GM2A: variants seen among roughly 807,000 people sequenced by gnomAD.
GM2A encodes GM2 ganglioside activator.
Under a neutral mutation model 12.9 loss-of-function variants are expected in GM2A, and 7 were observed. The observed-to-expected ratio is 0.54, with a 90% CI of 0.31 to 1.02. The LOEUF (loss-of-function observed/expected upper bound fraction) is 1.02. GM2A is among the 50% of genes least tolerant of loss of function. The pLI, the probability that GM2A is intolerant of heterozygous loss-of-function variation, is 0.05. For missense variants in GM2A, 246 were observed against 241.0 expected (o/e 1.02, Z -0.14); for synonymous variants, 101 against 96.0 (o/e 1.05, Z -0.30).
chr5:151,261,851 G>C (rs542936729), intron 2 of GM2A, among the ~76,000 whole-genome samples: 67 of 152,374 alleles, frequency 4.4e-4, no homozygotes, highest in East Asian at 3.1e-3. Context: ...TGGGATTATA[G>C]GCTTGAGCCA....
At position 151,270,252 on chromosome 5, in the gene GM2A, A is replaced by G. The variant is rs111935946; in HGVS notation, c.*2801A>G. 0.011 allele frequency: 4,869 copies of G among 462,920 alleles called. 191 individuals are homozygous for G. Among genetic ancestry groups the G allele is most frequent in the African/African-American group, 0.084 (4,204 of 49,794 alleles). The allele number at this position is 462,920 out of a possible 1,614,324, so 28.7% of individuals were successfully genotyped here. On this transcript the variant is annotated 3_prime_UTR_variant, in exon 4 of 4. Transcript: ENST00000357164. ...CACACCATATGCAAGAATGAACTCC[A>G]TCTGGATCCAGGATCCAAATGTAAG... is the stretch of plus-strand genomic sequence containing the variant.
chr5:151,253,398 A>T (rs570990035), intron 1 of GM2A, 101 bp downstream of exon 1: 17 of 810,432 alleles, frequency 2.1e-5, no homozygotes, highest in Non-Finnish European at 2.8e-5. Context: ...CGTTCTCTAG[A>T]ATTGGTTCTC....
chr5:151,270,230 A>G lies in GM2A; in HGVS notation c.*2779A>G, dbSNP rs1285003024. ...AGTTGAAGTTAGACCTGTACTTCACACCATATGCAAGAATGAACTCCATCT... is the reference window on the plus strand; with the variant it reads ...AGTTGAAGTTAGACCTGTACTTCACGCCATATGCAAGAATGAACTCCATCT... On this transcript the variant is annotated 3_prime_UTR_variant, in exon 4 of 4. Transcript: ENST00000357164. 2 of 544,364 alleles carry G rather than the reference A, an allele frequency of 3.7e-6. No individual in the cohort carries two copies. The highest frequency in any genetic ancestry group is 5.6e-6 in the Non-Finnish European group (2 of 359,668). The allele number at this position is 544,364 out of a possible 1,614,324, so 33.7% of individuals were successfully genotyped here.
At chr5:151,257,595 A>G (rs1753715382) in intron 1 of GM2A, among the ~76,000 whole-genome samples, 1 of 152,120 alleles carries the variant, frequency 6.6e-6, no homozygotes, top group Non-Finnish European at 1.5e-5. Context: ...ACAGTGTAGT[A>G]CTGTCCTTCA....
rs1247382405 is a variant in GM2A, at chr5:151,268,538, G to C, written c.*1087G>C. On this transcript the variant is annotated 3_prime_UTR_variant, in exon 4 of 4. Coordinates refer to ENST00000357164, the MANE Select transcript of GM2A (RefSeq NM_000405.5). ...CAGCACATGTGCCCATTGATACAAG[G>C]CTGCTGAGGCCTGGTCTCCAGTTGG... The C allele has an allele frequency of 4.1e-6, 4 of 985,300 alleles. No individual in the cohort carries two copies. The African/African-American group carries it at 5.2e-5, about 13-fold the overall frequency. The allele number at this position is 985,300 out of a possible 1,614,324, so 61.0% of individuals were successfully genotyped here. A position where few individuals can be genotyped will look rare whatever the true frequency, so the allele number is the denominator to read the frequency against.
chr5:151,270,029 T>C lies in GM2A; in HGVS notation c.*2578T>C. The C allele has an allele frequency of 8.1e-7, 1 of 1,230,014 alleles. No homozygotes were observed. Among genetic ancestry groups the C allele is most frequent in the Non-Finnish European group, 1.0e-6 (1 of 987,408 alleles). The allele number at this position is 1,230,014 out of a possible 1,614,324, so 76.2% of individuals were successfully genotyped here. On this transcript the variant is annotated 3_prime_UTR_variant, in exon 4 of 4. Transcript: ENST00000357164. ...AACAGTTCATTTTTAGTTCACATTC[T>C]TGACCGAATCTCAGTAGCTCAGTTA...
rs115821625 is a variant in GM2A at position 151,257,417 on chromosome 5, C to G, written c.82-2338C>G. On this transcript the variant is annotated intron_variant, in intron 1 of 3. Transcript: ENST00000357164. Reference sequence around the variant, plus strand: ...GTAGGTACTCTGGATACCCTACCCCCACCCCCAGCCCAGAATCAATTCTCT... The same window carrying G: ...GTAGGTACTCTGGATACCCTACCCCGACCCCCAGCCCAGAATCAATTCTCT... Among the ~76,000 whole-genome samples the G allele has an allele frequency of 9.9e-3, 1,510 of 152,246 alleles. 18 individuals are homozygous for G. The highest frequency in any genetic ancestry group is 0.033 in the African/African-American group (1,383 of 41,532).
Position 151,268,522 on chromosome 5 carries a change from T to C in GM2A, c.*1071T>C. On this transcript the variant is annotated 3_prime_UTR_variant, in exon 4 of 4. Transcript: ENST00000357164. ...CTTACACAGAAAGTCACAGCACATG[T>C]GCCCATTGATACAAGGCTGCTGAGG... 1 of 985,438 alleles carries C rather than the reference T, an allele frequency of 1.0e-6. No homozygotes were observed. The highest frequency in any genetic ancestry group is 1.2e-6 in the Non-Finnish European group (1 of 829,956). The allele number at this position is 985,438 out of a possible 1,614,324, so 61.0% of individuals were successfully genotyped here.
chr5:151,265,088 C>A (rs546636796), intron 2 of GM2A, among the ~76,000 whole-genome samples: 1 of 151,870 alleles, frequency 6.6e-6, no homozygotes, highest in African/African-American at 2.4e-5. Context: ...CCAACCTAGG[C>A]CCTCTGACTT....
At chr5:151,253,365 C>A in intron 1 of GM2A, 68 bp downstream of exon 1, 5 of 1,154,136 alleles carry the variant, frequency 4.3e-6, no homozygotes, top group Non-Finnish European at 5.2e-6. Context: ...GCGGGTCTGG[C>A]TGAGATATGG....
intron 2 of GM2A, among the ~76,000 whole-genome samples, chr5:151,260,679 GC>G (rs1242189879): frequency 1.3e-5 from 2 of 152,128 alleles, no homozygotes; most frequent in Non-Finnish European, 2.9e-5. Flanking sequence ...TAAGGGATAA[GC>G]ACTTTTAACA....
chr5:151,257,241 C>A (rs1006820526), intron 1 of GM2A, among the ~76,000 whole-genome samples: 1 of 152,138 alleles, frequency 6.6e-6, no homozygotes, highest in Admixed American at 6.5e-5. Context: ...ATCCATTACA[C>A]CTCCCTTCCC....
Position 151,269,324 on chromosome 5 carries a change from T to A in GM2A, c.*1873T>A. The A allele has an allele frequency of 1.0e-6, 1 of 985,506 alleles. No individual in the cohort carries two copies. The highest frequency in any genetic ancestry group is 1.7e-5 in the African/African-American group (1 of 57,362). The allele number at this position is 985,506 out of a possible 1,614,324, so 61.0% of individuals were successfully genotyped here. The stretch of plus-strand genomic sequence containing the variant: ...CATTTTTGGGGTGGGGCTCTTTTGG[T>A]TGGAAGGGTTTGTTGGAACGGTACA... On this transcript the variant is annotated 3_prime_UTR_variant, in exon 4 of 4. Coordinates refer to ENST00000357164, the MANE Select transcript of GM2A (RefSeq NM_000405.5).
At chr5:151,256,608 GAA>G (rs60009533) in intron 1 of GM2A, among the ~76,000 whole-genome samples, 1 of 121,644 alleles carries the variant, frequency 8.2e-6, no homozygotes, top group Non-Finnish European at 1.7e-5. Context: ...TCTGTCTCAA[GAA>G]AAAAAAAAAA....
chr5:151,267,369 A>G lies in GM2A; in HGVS notation c.500A>G (p.Asn167Ser). ...CTGCCCAGTTGGCTCACCACCGGGA[A>G]CTACCGCATAGAGAGCGTCCTGAGC... The part of the protein sequence containing the change: ...LELPSWLTTG[N>S]YRIESVLSSS... The change falls in exon 4 of 4, where the codon AAC becomes AGC. Residue 167 changes from asparagine to serine, a missense_variant. Physicochemically the swap from Asn to Ser is conservative, Grantham distance 46. Coordinates refer to ENST00000357164, the MANE Select transcript of GM2A (RefSeq NM_000405.5). 1 of 1,614,172 alleles carries G rather than the reference A, an allele frequency of 6.2e-7. No individual in the cohort carries two copies.
rs1366113484 is a variant in GM2A, at chr5:151,270,201, A to G, written c.*2750A>G. 2.2e-6 allele frequency: 2 copies of G among 889,132 alleles called. No individual in the cohort carries two copies. Among genetic ancestry groups the G allele is most frequent in the Non-Finnish European group, 3.0e-6 (2 of 675,022 alleles). The allele number at this position is 889,132 out of a possible 1,614,324, so 55.1% of individuals were successfully genotyped here. A position where few individuals can be genotyped will look rare whatever the true frequency, so the allele number is the denominator to read the frequency against. ...CTGAGCCAACTGGAAAGCCCCTTGGAGAAAGTTGAAGTTAGACCTGTACTT... is the reference window on the plus strand; with the variant it reads ...CTGAGCCAACTGGAAAGCCCCTTGGGGAAAGTTGAAGTTAGACCTGTACTT... On this transcript the variant is annotated 3_prime_UTR_variant, in exon 4 of 4. Coordinates refer to ENST00000357164, the MANE Select transcript of GM2A (RefSeq NM_000405.5).
chr5:151,268,509 G>A lies in GM2A; in HGVS notation c.*1058G>A, dbSNP rs772135107. 68 of 985,192 alleles carry A rather than the reference G, an allele frequency of 6.9e-5. No homozygotes were observed. Among genetic ancestry groups the A allele is most frequent in the Non-Finnish European group, 8.0e-5 (66 of 829,852 alleles). 61.0% of individuals were successfully genotyped at this position (985,192 alleles called of 1,614,324 possible). A position where few individuals can be genotyped will look rare whatever the true frequency, so the allele number is the denominator to read the frequency against. ...AATGTAAATATTTCTTACACAGAAA[G>A]TCACAGCACATGTGCCCATTGATAC... On this transcript the variant is annotated 3_prime_UTR_variant, in exon 4 of 4. Transcript: ENST00000357164.
In GM2A at chr5:151,267,808, T is replaced by A; in HGVS notation, c.*357T>A. The A allele has an allele frequency of 8.6e-7, 1 of 1,168,054 alleles. No individual in the cohort carries two copies. The highest frequency in any genetic ancestry group is 1.7e-5 in the South Asian group (1 of 58,390). 72.4% of individuals were successfully genotyped at this position (1,168,054 alleles called of 1,614,324 possible). A position where few individuals can be genotyped will look rare whatever the true frequency, so the allele number is the denominator to read the frequency against. On this transcript the variant is annotated 3_prime_UTR_variant, in exon 4 of 4. Coordinates refer to ENST00000357164, the MANE Select transcript of GM2A (RefSeq NM_000405.5). ...TGAAGAATCTTTATGACTCTCTCTC[T>A]TTCACTCTTTTTTTTTTTTGTCACT... is the stretch of plus-strand genomic sequence containing the variant.
At position 151,253,263 on chromosome 5, in the gene GM2A, T is replaced by G. The variant is rs1404041644; in HGVS notation, c.47T>G (p.Leu16Arg). 1.9e-6 allele frequency: 3 copies of G among 1,614,024 alleles called. No homozygotes were observed. The highest frequency in any genetic ancestry group is 1.7e-6 in the Non-Finnish European group (2 of 1,179,924). ...CCCCTCCTGATCGCCCTGGGCTTGC[T>G]TCTCGCGGCCCCTGCGCAAGCCCAC... ...QAPLLIALGL[L>R]LAAPAQAHLK... Residue 16 changes from leucine (L) to arginine (R), a missense_variant, in exon 1 of 4, where the codon CTT becomes CGT. Leu to Arg is a moderately radical substitution (Grantham distance 102, BLOSUM62 -2). Coordinates refer to ENST00000357164, the MANE Select transcript of GM2A (RefSeq NM_000405.5).
Sources: allele counts gnomAD v4.1 joint callset (sites outside exome capture counted in the v4.1 genomes callset), GRCh38; gene constraint gnomAD v4.1.1; transcripts MANE v1.5; gene names NCBI Gene and HGNC (gene_info 2026-07-23, HGNC 2026-07-21).